The following BRINP2 variants were observed in gnomAD, a reference collection of about 807,000 sequenced individuals.
BRINP2 encodes the protein BMP/retinoic acid inducible neural specific 2.
In BRINP2, 21 loss-of-function variants were observed where a neutral mutation model predicts 69.2. The ratio of observed to expected loss-of-function variants is 0.30; its 90% CI spans 0.22 to 0.44. BRINP2 has a LOEUF of 0.44. Ranked by LOEUF, BRINP2 falls within the 20% of genes least tolerant of loss-of-function variation. BRINP2 has a pLI of 1.00. For synonymous variants in BRINP2, 380 were observed against 394.1 expected, an observed-to-expected ratio of 0.96 and a Z score of 0.42; for missense variants, 877 against 986.0, an observed-to-expected ratio of 0.89 and a Z score of 1.48.
At chr1:177,267,994 C>T (rs942226873) in intron 4 of BRINP2, among the ~76,000 whole-genome samples, 7 of 152,034 alleles carry the variant, frequency 4.6e-5, no homozygotes, top group African/African-American at 1.7e-4. Context: ...GGAAGAAAAC[C>T]ATGAAAAAAC....
intron 1 of BRINP2, among the ~76,000 whole-genome samples, chr1:177,183,574 G>A (rs1648329202): frequency 6.6e-6 from 1 of 152,142 alleles, no homozygotes; most frequent in African/African-American, 2.4e-5. Flanking sequence ...TGATCATAAA[G>A]ATACTAAGCT....
At chr1:177,245,578 C>A (rs368989805) in intron 2 of BRINP2, among the ~76,000 whole-genome samples, 18 of 152,154 alleles carry the variant, frequency 1.2e-4, no homozygotes, top group African/African-American at 3.9e-4. Flanking sequence ...CAATGGGAGG[C>A]AGATAGTGGT....
chr1:177,174,497 T>C (rs1648028481), intron 1 of BRINP2, among the ~76,000 whole-genome samples: 1 of 152,198 alleles, frequency 6.6e-6, no homozygotes, highest in African/African-American at 2.4e-5. Context: ...AGCAATTCAA[T>C]ACCAGAGAAT....
At chr1:177,172,487 G>A (rs1352467438) in intron 1 of BRINP2, among the ~76,000 whole-genome samples, 5 of 152,112 alleles carry the variant, frequency 3.3e-5, no homozygotes, top group Admixed American at 2.6e-4. Context: ...CTGTATGCAG[G>A]AAACAGGCTG....
intron 1 of BRINP2, among the ~76,000 whole-genome samples, chr1:177,182,022 C>A (rs866094594): frequency 6.6e-6 from 1 of 152,164 alleles, no homozygotes; most frequent in Non-Finnish European, 1.5e-5. Context: ...TGTGCGTGCG[C>A]GTGTGCGGAG....
At chr1:177,234,241 T>A (rs1385307828) in intron 2 of BRINP2, among the ~76,000 whole-genome samples, 2 of 152,188 alleles carry the variant, frequency 1.3e-5, no homozygotes, top group African/African-American at 2.4e-5. Flanking sequence ...GTCTAAGGCA[T>A]GTGAAATGCA....
chr1:177,229,859 C>A lies in BRINP2; in HGVS notation c.-18C>A, dbSNP rs1337933335. ...GAGCGTGGCGAGAGAATGAAGAAAC[C>A]AATCGCCCGGGAGAAGCATGAGGTG... is the stretch of plus-strand genomic sequence containing the variant. On this transcript the variant is annotated 5_prime_UTR_variant, in exon 2 of 8. Transcript: ENST00000361539. The A allele has an allele frequency of 6.4e-7, 1 of 1,560,552 alleles. No individual in the cohort carries two copies. Among genetic ancestry groups the A allele is most frequent in the African/African-American group, 1.4e-5 (1 of 73,904 alleles).
intron 1 of BRINP2, among the ~76,000 whole-genome samples, chr1:177,214,186 C>A (rs1649307184): frequency 1.3e-5 from 2 of 152,264 alleles, no homozygotes; most frequent in Middle Eastern, 6.8e-3. Context: ...AATCCCAGCA[C>A]TTTGGGAGGC....
chr1:177,196,356 G>A (rs1276661251), intron 1 of BRINP2, among the ~76,000 whole-genome samples: 5 of 152,118 alleles, frequency 3.3e-5, no homozygotes, highest in Non-Finnish European at 5.9e-5. Flanking sequence ...GGTGGCTCAC[G>A]CCTGTAATCC....
intron 4 of BRINP2, among the ~76,000 whole-genome samples, chr1:177,258,695 C>G (rs904668449): frequency 6.6e-6 from 1 of 152,212 alleles, no homozygotes; most frequent in African/African-American, 2.4e-5. Context: ...ATAATTCTCA[C>G]AGTATTTTAA....
chr1:177,195,408 A>T (rs1648712644), intron 1 of BRINP2, among the ~76,000 whole-genome samples: 1 of 150,930 alleles, frequency 6.6e-6, no homozygotes, highest in South Asian at 2.1e-4. Context: ...TCTTACGCTC[A>T]CATACTCAGG....
intron 1 of BRINP2, among the ~76,000 whole-genome samples, chr1:177,202,815 AG>A (rs1157448163): frequency 6.6e-6 from 1 of 152,192 alleles, no homozygotes; most frequent in Non-Finnish European, 1.5e-5. Flanking sequence ...ATCATTAAAA[AG>A]TCAGGAAACA....
At chr1:177,174,485 A>G (rs1409033876) in intron 1 of BRINP2, among the ~76,000 whole-genome samples, 1 of 152,236 alleles carries the variant, frequency 6.6e-6, no homozygotes, top group African/African-American at 2.4e-5. Flanking sequence ...TAGGTTCTAA[A>G]CAGCAATTCA....
At chr1:177,269,673 A>T (rs1446095877) in intron 4 of BRINP2, among the ~76,000 whole-genome samples, 1 of 152,166 alleles carries the variant, frequency 6.6e-6, no homozygotes, top group Non-Finnish European at 1.5e-5. Flanking sequence ...TTAGAAGCCC[A>T]TTTCACTCTG....
intron 1 of BRINP2, among the ~76,000 whole-genome samples, chr1:177,193,381 A>G (rs1245106448): frequency 6.6e-6 from 1 of 152,224 alleles, no homozygotes; most frequent in African/African-American, 2.4e-5. Context: ...AGACAATTAG[A>G]CAAAAATCAT....
At chr1:177,223,531 G>A (rs1325541970) in intron 1 of BRINP2, among the ~76,000 whole-genome samples, 1 of 152,172 alleles carries the variant, frequency 6.6e-6, no homozygotes, top group Non-Finnish European at 1.5e-5. Flanking sequence ...AGGCAAGTGA[G>A]GTTAAGGAGA....
intron 4 of BRINP2, among the ~76,000 whole-genome samples, chr1:177,258,847 G>T (rs1025499747): frequency 2.0e-5 from 3 of 152,156 alleles, no homozygotes; most frequent in East Asian, 3.9e-4. Context: ...TGCTCTGACT[G>T]GTCCACCAAC....
At chr1:177,220,775 G>C (rs1350707552) in intron 1 of BRINP2, among the ~76,000 whole-genome samples, 1 of 152,162 alleles carries the variant, frequency 6.6e-6, no homozygotes, top group East Asian at 1.9e-4. Flanking sequence ...TATGAGGGAA[G>C]AGCACTGTAA....
At position 177,256,451 on chromosome 1, in the gene BRINP2, A is replaced by G. The variant is rs79299627; in HGVS notation, c.460+342A>G. On this transcript the variant is annotated intron_variant, in intron 3 of 7. Transcript: ENST00000361539. ...CTTTCTAATGTTTGCTGTGGCTACAATGGTCAGACCCACAGGCAAAAAAGT... is the reference window on the plus strand; with the variant it reads ...CTTTCTAATGTTTGCTGTGGCTACAGTGGTCAGACCCACAGGCAAAAAAGT... The G allele has an allele frequency of 9.4e-5, 93 of 985,428 alleles. 1 individual carries two copies. The African/African-American group carries it at 1.6e-3, about 16-fold the overall frequency. 61.0% of individuals were successfully genotyped at this position (985,428 alleles called of 1,614,324 possible).
Sources: allele counts gnomAD v4.1 joint callset (sites outside exome capture counted in the v4.1 genomes callset), GRCh38; gene constraint gnomAD v4.1.1; transcripts MANE v1.5; gene names NCBI Gene and HGNC (gene_info 2026-07-23, HGNC 2026-07-21).